The following NAP1L4 variants were observed in gnomAD, a reference collection of about 807,000 sequenced individuals.
NAP1L4 encodes the protein nucleosome assembly protein 1 like 4, also known as nucleosome assembly protein 1-like 4.
Under a neutral mutation model 58.2 loss-of-function variants are expected in NAP1L4, and 15 were observed. The ratio of observed to expected loss-of-function variants is 0.26; its 90% CI spans 0.17 to 0.40. The LOEUF (loss-of-function observed/expected upper bound fraction) is 0.40. NAP1L4 is among the 10% of genes least tolerant of loss of function. NAP1L4 has a pLI of 1.00. For missense variants in NAP1L4, 384 were observed against 451.1 expected (o/e 0.85, Z 1.35); for synonymous variants, 171 against 155.6 (o/e 1.10, Z -0.74).
intron 7 of NAP1L4, among the ~76,000 whole-genome samples, chr11:2,967,549 T>G (rs1326169668): frequency 6.7e-6 from 1 of 149,500 alleles, no homozygotes; most frequent in Admixed American, 6.7e-5. Flanking sequence ...AGGTGGAGCT[T>G]ACAGTGAGCC....
chr11:2,976,210 G>T (rs1847948849), intron 3 of NAP1L4, 87 bp from the exon 4 acceptor site: 1 of 912,006 alleles, frequency 1.1e-6, no homozygotes, highest in Non-Finnish European at 1.7e-6. Flanking sequence ...TATCTACTTA[G>T]CTTTGCCTAG....
At chr11:2,962,079 C>A (rs1846958152) in intron 8 of NAP1L4, among the ~76,000 whole-genome samples, 1 of 151,626 alleles carries the variant, frequency 6.6e-6, no homozygotes, top group African/African-American at 2.4e-5. Context: ...TTAGGCAGGG[C>A]CTGAGTGGCT....
chr11:2,987,756 CAAAAA>C (rs57754393), intron 1 of NAP1L4, among the ~76,000 whole-genome samples: 2 of 70,458 alleles, frequency 2.8e-5, no homozygotes, highest in Admixed American at 3.1e-4. Context: ...GACTCCACCT[CAAAAA>C]AAAAAAAAAA....
Position 2,970,043 on chromosome 11 carries a change from T to C in NAP1L4, c.403-109A>G, listed in dbSNP as rs1847545816. On this transcript the variant is annotated intron_variant, in intron 6 of 15. Transcript: ENST00000380542. ...CCTCTACTATCTCCCATCAAACACC[T>C]TGCTTTCTAAGTCTGCACCTCCAAA... 9 of 1,195,664 alleles carry C rather than the reference T, an allele frequency of 7.5e-6. No individual in the cohort carries two copies. In the South Asian group the frequency reaches 1.1e-4, roughly 15 times the overall value. The allele number at this position is 1,195,664 out of a possible 1,614,324, so 74.1% of individuals were successfully genotyped here.
chr11:2,946,677 AAT>A lies in NAP1L4; in HGVS notation c.*33-1033_*33-1032del, dbSNP rs1308035591. The stretch of plus-strand genomic sequence containing the variant: ...ATCACATTTAAGGGATGGCCGAAAA[AAT>A]ATGTGTAAAATATGCAAAAAACAAA... On this transcript the variant is annotated intron_variant, in intron 15 of 15. Transcript: ENST00000380542. This position sits in a 1 kb window ranked among gnomAD's most constrained non-coding sequence, Gnocchi z 4.8. Among the ~76,000 whole-genome samples the A allele has an allele frequency of 6.6e-6, 1 of 152,182 alleles. No individual in the cohort carries two copies. Among genetic ancestry groups the A allele is most frequent in the African/African-American group, 2.4e-5 (1 of 41,436 alleles).
chr11:2,964,889 T>A, intron 7 of NAP1L4, 138 bp from the exon 8 acceptor site: 1 of 661,506 alleles, frequency 1.5e-6, no homozygotes, highest in Non-Finnish European at 2.6e-6. Flanking sequence ...AAGTAATAAC[T>A]ACCAGGAAGA....
intron 1 of NAP1L4, chr11:2,990,929 A>AG (rs1848925979): frequency 2.8e-6 from 1 of 351,316 alleles, no homozygotes. Context: ...CAACAACCTA[A>AG]TCTACATATT....
intron 8 of NAP1L4, chr11:2,963,668 C>G: frequency 2.0e-6 from 1 of 490,378 alleles, no homozygotes; most frequent in Non-Finnish European, 4.1e-6. Flanking sequence ...AGCCCAGGCC[C>G]CAGTGCTGAG....
chr11:2,967,912 A>G lies in NAP1L4; in HGVS notation c.534+1891T>C, dbSNP rs550352565. Among the ~76,000 whole-genome samples the G allele has an allele frequency of 2.2e-3, 328 of 152,312 alleles. 2 individuals are homozygous for G. The highest frequency in any genetic ancestry group is 0.014 in the Middle Eastern group (4 of 294). ...CTGTGCTCTCAAAACCCAAGGCAGCACTATCCATGGCCAGTGACCCCAATG... is the reference window on the plus strand; with the variant it reads ...CTGTGCTCTCAAAACCCAAGGCAGCGCTATCCATGGCCAGTGACCCCAATG... On this transcript the variant is annotated intron_variant, in intron 7 of 15. Transcript: ENST00000380542.
Position 2,945,505 on chromosome 11 carries a change from G to T in NAP1L4, c.*174C>A. 1.0e-6 allele frequency: 1 copy of T among 956,722 alleles called. No individual in the cohort carries two copies. The highest frequency in any genetic ancestry group is 1.5e-6 in the Non-Finnish European group (1 of 658,862). 59.3% of individuals were successfully genotyped at this position (956,722 alleles called of 1,614,324 possible). A position where few individuals can be genotyped will look rare whatever the true frequency, so the allele number is the denominator to read the frequency against. ...TCATGCACTTGAAAACGAGTTAGAT[G>T]GAGTAAGCTCTGTCCACGGGATTGT... is the stretch of plus-strand genomic sequence containing the variant. On this transcript the variant is annotated 3_prime_UTR_variant, in exon 16 of 16. Transcript: ENST00000380542.
At chr11:2,986,013 AC>A (rs1848595648) in intron 1 of NAP1L4, among the ~76,000 whole-genome samples, 3 of 152,232 alleles carry the variant, frequency 2.0e-5, no homozygotes, top group African/African-American at 7.2e-5. Flanking sequence ...GATTTTTGTA[AC>A]AAAATATAAC....
chr11:2,951,225 A>G lies in NAP1L4; in HGVS notation c.1122+34T>C, dbSNP rs1478781792. 8.2e-6 allele frequency: 13 copies of G among 1,576,520 alleles called. No homozygotes were observed. The highest frequency in any genetic ancestry group is 5.0e-5 in the Admixed American group (3 of 59,448). On this transcript the variant is annotated intron_variant, in intron 14 of 15. Transcript: ENST00000380542. This position sits in a 1 kb window ranked among gnomAD's most constrained non-coding sequence, Gnocchi z 4.0. ...TTTAAAAGTCTAAGAGTGCAGCATA[A>G]TAAGTAGGTCTGGGTGGCCCCAAAG...
At position 2,959,421 on chromosome 11, in the gene NAP1L4, A is replaced by G. The variant is rs746072427; in HGVS notation, c.746+349T>C. On this transcript the variant is annotated intron_variant, in intron 9 of 15. Coordinates refer to ENST00000380542, the MANE Select transcript of NAP1L4 (RefSeq NM_005969.4). This position sits in a 1 kb window ranked among gnomAD's most constrained non-coding sequence, Gnocchi z 4.9. ...CCCTGGACTCAGACTCATTCATTCA[A>G]TAAGTATTTATTTGCTGAGGGTAAT... Among the ~76,000 whole-genome samples, 7 of 152,224 alleles carry G rather than the reference A, an allele frequency of 4.6e-5. No homozygotes were observed. Among genetic ancestry groups the G allele is most frequent in the East Asian group, 1.9e-4 (1 of 5,206 alleles).
intron 1 of NAP1L4, among the ~76,000 whole-genome samples, chr11:2,980,631 A>G (rs920775996): frequency 6.6e-6 from 1 of 152,216 alleles, no homozygotes; most frequent in Non-Finnish European, 1.5e-5. Flanking sequence ...GGGCCTCGCT[A>G]AACGGTTGTT....
At position 2,959,648 on chromosome 11, in the gene NAP1L4, T is replaced by C; in HGVS notation, c.746+122A>G. ...CTATTGAAATATACATCTACCAGGCTTTTAGGCTTTTAAGCAGACTCAAGA... is the reference window on the plus strand; with the variant it reads ...CTATTGAAATATACATCTACCAGGCCTTTAGGCTTTTAAGCAGACTCAAGA... On this transcript the variant is annotated intron_variant, in intron 9 of 15. Coordinates refer to ENST00000380542, the MANE Select transcript of NAP1L4 (RefSeq NM_005969.4). The surrounding 1 kb of genome is among the most constrained non-coding windows in gnomAD (Gnocchi z 4.9). The C allele has an allele frequency of 8.5e-7, 1 of 1,175,674 alleles. No homozygotes were observed. The highest frequency in any genetic ancestry group is 1.2e-6 in the Non-Finnish European group (1 of 843,790). 72.8% of individuals were successfully genotyped at this position (1,175,674 alleles called of 1,614,324 possible).
intron 2 of NAP1L4, 39 bp from the exon 3 acceptor site, chr11:2,978,381 A>T: frequency 6.4e-7 from 1 of 1,571,748 alleles, no homozygotes; most frequent in South Asian, 1.1e-5. Context: ...TACTGTAAAG[A>T]AAGTTCCAAA....
At chr11:2,986,881 A>G (rs1039353962) in intron 1 of NAP1L4, among the ~76,000 whole-genome samples, 3 of 150,732 alleles carry the variant, frequency 2.0e-5, no homozygotes, top group African/African-American at 4.9e-5. Context: ...CACCTGCCTC[A>G]ACCTCCCAAA....
chr11:2,968,176 G>A (rs964172229), intron 7 of NAP1L4, among the ~76,000 whole-genome samples: 10 of 152,180 alleles, frequency 6.6e-5, no homozygotes, highest in African/African-American at 2.4e-4. Context: ...CTAAGAGCTA[G>A]TCTTTCCACC....
rs1845950680 is a variant in NAP1L4 at position 2,946,564 on chromosome 11, T to C, written c.*33-918A>G. Among the ~76,000 whole-genome samples the C allele has an allele frequency of 1.3e-5, 2 of 152,182 alleles. No homozygotes were observed. Among genetic ancestry groups the C allele is most frequent in the Non-Finnish European group, 2.9e-5 (2 of 68,030 alleles). The stretch of plus-strand genomic sequence containing the variant: ...AGCGTGCCTATGGAACCTAAGAACT[T>C]GTACTGTATGGGGCAAAAAGATCCC... On this transcript the variant is annotated intron_variant, in intron 15 of 15. Coordinates refer to ENST00000380542, the MANE Select transcript of NAP1L4 (RefSeq NM_005969.4). The surrounding 1 kb of genome is among the most constrained non-coding windows in gnomAD (Gnocchi z 4.8).
Sources: gnomAD v4.1 joint callset for allele counts (sites outside exome capture counted in the v4.1 genomes callset) on GRCh38, gnomAD v4.1.1 for gene constraint, Gnocchi (gnomAD v3.1) non-coding constraint, MANE v1.5 for transcripts, NCBI Gene and HGNC (gene_info 2026-07-23, HGNC 2026-07-21) for gene names.